The following NCKAP5 variants were observed in gnomAD, a reference collection of about 807,000 sequenced individuals.
NCKAP5 encodes nck-associated protein 5.
A neutral mutation model predicts 167.0 loss-of-function variants in NCKAP5; 92 were observed. That is an observed-to-expected ratio of 0.55 (90% CI 0.47 to 0.66). NCKAP5 has a LOEUF of 0.66. NCKAP5 is among the 30% of genes least tolerant of loss of function. The probability of loss-of-function intolerance (pLI) is 0.00; values close to 1 mark genes in which losing one functional copy is unlikely to be tolerated. For synonymous variants in NCKAP5, 891 were observed against 877.4 expected (o/e 1.02, Z -0.27); for missense variants, 2,378 against 2,315.0 (o/e 1.03, Z -0.56).
intron 11 of NCKAP5, among the ~76,000 whole-genome samples, chr2:132,844,368 C>G (rs1558848265): frequency 6.6e-6 from 1 of 152,124 alleles, no homozygotes; most frequent in Non-Finnish European, 1.5e-5. Flanking sequence ...TAAACTCTTA[C>G]TTGGCCACCC....
intron 6 of NCKAP5, among the ~76,000 whole-genome samples, chr2:133,072,902 C>T (rs1468267758): frequency 6.6e-6 from 1 of 152,066 alleles, no homozygotes; most frequent in Non-Finnish European, 1.5e-5. Flanking sequence ...AAAAACCCAC[C>T]ATGGCTCCGA....
chr2:132,772,328 A>C (rs1183846755), intron 16 of NCKAP5, among the ~76,000 whole-genome samples: 1 of 152,172 alleles, frequency 6.6e-6, no homozygotes, highest in African/African-American at 2.4e-5. Context: ...TGAGGAAGTA[A>C]ATTTTTAATT....
the NCKAP5 span, among the ~76,000 whole-genome samples, chr2:133,580,916 A>G: frequency 6.6e-6 from 1 of 152,222 alleles, no homozygotes; most frequent in Admixed American, 6.5e-5. Flanking sequence ...TCCAAACTCA[A>G]CAGCTACTTG....
the NCKAP5 span, among the ~76,000 whole-genome samples, chr2:133,626,028 A>T: frequency 6.6e-6 from 1 of 152,352 alleles, no homozygotes; most frequent in African/African-American, 2.4e-5. Context: ...AAACTATTAA[A>T]CAAAAGCAAA....
chr2:133,448,983 T>G (rs557162344), intron 3 of NCKAP5, among the ~76,000 whole-genome samples: 1 of 152,234 alleles, frequency 6.6e-6, no homozygotes, highest in African/African-American at 2.4e-5. Context: ...ATATGCACCA[T>G]GTACACATGA....
chr2:133,221,540 A>G (rs2086662956), intron 4 of NCKAP5, among the ~76,000 whole-genome samples: 1 of 152,338 alleles, frequency 6.6e-6, no homozygotes, highest in Middle Eastern at 3.4e-3. Context: ...ACAAATAATA[A>G]TACAGTTCCA....
chr2:133,453,006 A>G (rs902812711), intron 3 of NCKAP5, among the ~76,000 whole-genome samples: 1 of 152,204 alleles, frequency 6.6e-6, no homozygotes, highest in Non-Finnish European at 1.5e-5. Context: ...TCACTGTTGA[A>G]TAAGTGAATG....
chr2:132,695,157 C>T (rs1019799351), intron 19 of NCKAP5, among the ~76,000 whole-genome samples: 1 of 152,102 alleles, frequency 6.6e-6, no homozygotes, highest in African/African-American at 2.4e-5. Flanking sequence ...AATACCATCA[C>T]AATGGGGATG....
chr2:133,424,128 GTGA>G (rs1352702469), intron 3 of NCKAP5, among the ~76,000 whole-genome samples: 1 of 152,198 alleles, frequency 6.6e-6, no homozygotes, highest in Non-Finnish European at 1.5e-5. Flanking sequence ...TGAAACTAAA[GTGA>G]TGGATTGTTT....
At position 132,686,053 on chromosome 2, in the gene NCKAP5, A is replaced by G. The variant is rs144688412; in HGVS notation, c.5714-12748T>C. Among the ~76,000 whole-genome samples, 107 of 152,324 alleles carry G rather than the reference A, an allele frequency of 7.0e-4. No individual in the cohort carries two copies. In the East Asian group the frequency reaches 0.015, roughly 21 times the overall value. ...GCAAGCTCAGGAATCAATGGGCTGA[A>G]CCAAGTAGTACCCAATGGCTGGGTA... On this transcript the variant is annotated intron_variant, in intron 19 of 19. Transcript: ENST00000409261.
Position 133,280,737 on chromosome 2 carries a change from C to T in NCKAP5, c.143+22300G>A, listed in dbSNP as rs989267092. Among the ~76,000 whole-genome samples the T allele has an allele frequency of 3.3e-5, 5 of 152,178 alleles. 1 individual carries two copies. The South Asian group carries it at 1.0e-3, about 31-fold the overall frequency. On this transcript the variant is annotated intron_variant, in intron 4 of 19. Coordinates refer to ENST00000409261, the MANE Select transcript of NCKAP5 (RefSeq NM_207363.3). ...ATTGGCACCCACAGGCCAAACCTTG[C>T]CAGTTCTATGTAAATAGCGCTTTAT...
chr2:133,670,260 G>C, the NCKAP5 span, among the ~76,000 whole-genome samples: 1 of 152,172 alleles, frequency 6.6e-6, no homozygotes, highest in Non-Finnish European at 1.5e-5. Context: ...GTAGTGCAGG[G>C]CTTATAATAA....
chr2:133,071,613 C>T (rs1020085153), intron 6 of NCKAP5, among the ~76,000 whole-genome samples: 11 of 152,204 alleles, frequency 7.2e-5, no homozygotes, highest in Admixed American at 1.3e-4. Flanking sequence ...CTACAGATTT[C>T]TGAGATTCTC....
intron 3 of NCKAP5, among the ~76,000 whole-genome samples, chr2:133,506,220 T>A (rs182162104): frequency 6.6e-6 from 1 of 152,270 alleles, no homozygotes; most frequent in Admixed American, 6.5e-5. Context: ...CACATCAAAT[T>A]GTCTGGTGAA....
chr2:132,923,150 G>C (rs76239533), intron 8 of NCKAP5, among the ~76,000 whole-genome samples: 4,713 of 152,192 alleles, frequency 0.031, 246 homozygotes, highest in African/African-American at 0.11. Context: ...CTCCTGAGAA[G>C]GCTTCCTGGA....
chr2:132,684,174 A>C (rs1295835363), intron 19 of NCKAP5, among the ~76,000 whole-genome samples: 9 of 152,248 alleles, frequency 5.9e-5, no homozygotes, highest in Non-Finnish European at 1.5e-5. Context: ...TTTTAAATTA[A>C]TGTAGAAGTG....
chr2:132,963,681 A>G (rs368645581), intron 8 of NCKAP5, 39 bp downstream of exon 8: 2 of 1,596,280 alleles, frequency 1.3e-6, no homozygotes, highest in African/African-American at 1.3e-5. Flanking sequence ...GAATACTGTT[A>G]TTTTTCTTGA....
At chr2:132,968,905 G>C (rs1037173841) in intron 7 of NCKAP5, among the ~76,000 whole-genome samples, 33 of 152,246 alleles carry the variant, frequency 2.2e-4, no homozygotes, top group African/African-American at 7.9e-4. Flanking sequence ...AAAAAGAAGA[G>C]GGAGCACCAG....
At chr2:133,085,520 G>T (rs1204792449) in intron 6 of NCKAP5, among the ~76,000 whole-genome samples, 1 of 152,052 alleles carries the variant, frequency 6.6e-6, no homozygotes, top group Non-Finnish European at 1.5e-5. Flanking sequence ...GATTGACTGG[G>T]GGAAGTTAAA....
Sources: allele counts gnomAD v4.1 joint callset (sites outside exome capture counted in the v4.1 genomes callset), GRCh38; gene constraint gnomAD v4.1.1; transcripts MANE v1.5; gene names NCBI Gene and HGNC (gene_info 2026-07-23, HGNC 2026-07-21).